The following RIMKLA variants were observed in gnomAD, a reference collection of about 807,000 sequenced individuals.
RIMKLA encodes ribosomal modification protein rimK like family member A, also known as N-acetylaspartylglutamate synthase A.
Under a neutral mutation model 32.7 loss-of-function variants are expected in RIMKLA, and 14 were observed. The ratio of observed to expected loss-of-function variants is 0.43; its 90% CI spans 0.28 to 0.67. RIMKLA has a LOEUF of 0.67. Among genes scored for constraint, RIMKLA ranks in the 30% least tolerant of loss-of-function variants. RIMKLA has a pLI of 0.18. For missense variants in RIMKLA, 410 were observed against 519.0 expected (o/e 0.79, Z 2.04); for synonymous variants, 176 against 204.1 (o/e 0.86, Z 1.18).
chr1:42,404,148 G>T (rs1254222543), intron 2 of RIMKLA, among the ~76,000 whole-genome samples: 1 of 152,128 alleles, frequency 6.6e-6, no homozygotes, highest in Non-Finnish European at 1.5e-5. Context: ...ATATTCATTG[G>T]TCCCTTCCAC....
intron 1 of RIMKLA, among the ~76,000 whole-genome samples, chr1:42,392,273 T>C (rs1570318175): frequency 6.6e-6 from 1 of 152,208 alleles, no homozygotes; most frequent in East Asian, 1.9e-4. Context: ...TGTAGGTCTG[T>C]TGGAGCACTT....
chr1:42,404,788 C>A (rs556404974), intron 3 of RIMKLA, among the ~76,000 whole-genome samples, 191 bp downstream of exon 3: 3 of 152,230 alleles, frequency 2.0e-5, no homozygotes, highest in Non-Finnish European at 2.9e-5. Flanking sequence ...TGAACTATTG[C>A]AATCAACTCC....
intron 3 of RIMKLA, among the ~76,000 whole-genome samples, chr1:42,409,724 T>A (rs1643180980): frequency 6.6e-6 from 1 of 152,242 alleles, no homozygotes; most frequent in Admixed American, 6.5e-5. Context: ...GCTCTTTCTC[T>A]GTGTTCCTGG....
intron 1 of RIMKLA, among the ~76,000 whole-genome samples, chr1:42,394,334 A>G (rs1156245798): frequency 6.6e-6 from 1 of 152,230 alleles, no homozygotes; most frequent in Non-Finnish European, 1.5e-5. Flanking sequence ...CCAAGGATGC[A>G]CATGTGTGCA....
At chr1:42,391,578 C>T (rs189460901) in intron 1 of RIMKLA, among the ~76,000 whole-genome samples, 14 of 152,030 alleles carry the variant, frequency 9.2e-5, no homozygotes, top group East Asian at 3.9e-4. Flanking sequence ...GGAAGGCACA[C>T]GGAAAAGGTT....
intron 1 of RIMKLA, among the ~76,000 whole-genome samples, chr1:42,393,398 C>T (rs1643016355): frequency 6.6e-6 from 1 of 152,192 alleles, no homozygotes; most frequent in African/African-American, 2.4e-5. Flanking sequence ...AGGCAGAGAC[C>T]ATCTAGTTCA....
chr1:42,404,270 T>C (rs1041638552), intron 2 of RIMKLA, among the ~76,000 whole-genome samples: 4 of 152,034 alleles, frequency 2.6e-5, no homozygotes, highest in African/African-American at 9.7e-5. Flanking sequence ...ATGATTGTTA[T>C]AAGGATTGTG....
chr1:42,393,372 A>G (rs1047787471), intron 1 of RIMKLA, among the ~76,000 whole-genome samples: 1 of 152,218 alleles, frequency 6.6e-6, no homozygotes, highest in Non-Finnish European at 1.5e-5. Flanking sequence ...CTGTGAGGAG[A>G]CTATAATCTC....
intron 1 of RIMKLA, 148 bp from the exon 2 acceptor site, chr1:42,399,256 G>A: frequency 3.3e-6 from 2 of 609,020 alleles, no homozygotes; most frequent in Non-Finnish European, 5.8e-6. Context: ...GTTGCCTATA[G>A]AGTTTCCTTG....
At chr1:42,391,854 C>T (rs1034878873) in intron 1 of RIMKLA, among the ~76,000 whole-genome samples, 4 of 152,044 alleles carry the variant, frequency 2.6e-5, no homozygotes, top group African/African-American at 9.7e-5. Context: ...GTTCTGGGGC[C>T]CTTCCATTTT....
rs1643183698 is a variant in RIMKLA, at chr1:42,410,026, A to ACATCTGC, written c.531_537dup (p.Ile180ProfsTer42). The ACATCTGC allele has an allele frequency of 6.2e-7, 1 of 1,614,026 alleles. No homozygotes were observed. The highest frequency in any genetic ancestry group is 8.5e-7 in the Non-Finnish European group (1 of 1,180,020). ...GCAAGAGATAAACATCACCTCTCTG[A>ACATCTGC]CATCTGCCATCTGATCCGCCACGAT... On this transcript the variant is annotated frameshift_variant, in exon 4 of 5. Coordinates refer to ENST00000431473, the MANE Select transcript of RIMKLA (RefSeq NM_173642.4). LOFTEE classifies it high-confidence loss of function.
chr1:42,386,200 GGC>G (rs1364866265), intron 1 of RIMKLA, among the ~76,000 whole-genome samples: 1 of 151,844 alleles, frequency 6.6e-6, no homozygotes, highest in Admixed American at 6.6e-5. Context: ...TGGTATTACG[GGC>G]GTGAGCCACC....
At chr1:42,389,562 A>G (rs1247558673) in intron 1 of RIMKLA, among the ~76,000 whole-genome samples, 2 of 152,220 alleles carry the variant, frequency 1.3e-5, no homozygotes, top group Non-Finnish European at 2.9e-5. Flanking sequence ...CTGTAATTCC[A>G]GCACTTTGGG....
intron 4 of RIMKLA, among the ~76,000 whole-genome samples, chr1:42,411,349 A>G (rs112537740): frequency 8.4e-4 from 128 of 151,792 alleles, no homozygotes; most frequent in Admixed American, 6.0e-3. Flanking sequence ...AAAAAAAAAA[A>G]AGAGAGATAA....
At chr1:42,396,701 A>C (rs1216830319) in intron 1 of RIMKLA, among the ~76,000 whole-genome samples, 2 of 152,118 alleles carry the variant, frequency 1.3e-5, no homozygotes, top group Non-Finnish European at 2.9e-5. Flanking sequence ...TCTGTTGTAA[A>C]GCTGTTTTTC....
At chr1:42,381,199 C>A in intron 1 of RIMKLA, 102 bp downstream of exon 1, 1 of 883,124 alleles carries the variant, frequency 1.1e-6, no homozygotes, top group Non-Finnish European at 1.5e-6. Context: ...GAGTCTCCTT[C>A]GGGCCCGCAC....
At position 42,397,318 on chromosome 1, in the gene RIMKLA, A is replaced by G. The variant is rs1429061294; in HGVS notation, c.164-2086A>G. 2.0e-5 allele frequency among the ~76,000 whole-genome samples: 3 copies of G among 152,196 alleles called. No individual in the cohort carries two copies. The East Asian group carries it at 5.8e-4, about 29-fold the overall frequency. The stretch of plus-strand genomic sequence containing the variant: ...CACCTGGTGGAGAAATTGTAACTTC[A>G]TTAGCACCCTTTTCCCCCTAGAATT... On this transcript the variant is annotated intron_variant, in intron 1 of 4. Coordinates refer to ENST00000431473, the MANE Select transcript of RIMKLA (RefSeq NM_173642.4).
chr1:42,408,496 C>T (rs1037053376), intron 3 of RIMKLA, among the ~76,000 whole-genome samples: 12 of 152,060 alleles, frequency 7.9e-5, no homozygotes, highest in African/African-American at 2.2e-4. Context: ...CTTGGCTCAC[C>T]GCAACCTCTC....
At chr1:42,385,830 T>TCCTTCCTTCCTTCC (rs1557749857) in intron 1 of RIMKLA, among the ~76,000 whole-genome samples, 2 of 74,214 alleles carry the variant, frequency 2.7e-5, no homozygotes, top group Non-Finnish European at 6.3e-5. Flanking sequence ...CTTCCTTCCT[T>TCCTTCCTTCCTTCC]TCTTTCTTTC....
Sources: allele counts gnomAD v4.1 joint callset (sites outside exome capture counted in the v4.1 genomes callset), GRCh38; gene constraint gnomAD v4.1.1; transcripts MANE v1.5; gene names NCBI Gene and HGNC (gene_info 2026-07-23, HGNC 2026-07-21).